Variants in CCDC60 observed in about 807,000 individuals in gnomAD.
CCDC60 encodes coiled-coil domain-containing protein 60.
Under a neutral mutation model 63.5 loss-of-function variants are expected in CCDC60, and 54 were observed. That is an observed-to-expected ratio of 0.85 (90% CI 0.68 to 1.07). The LOEUF (loss-of-function observed/expected upper bound fraction) is 1.07. Among genes scored for constraint, CCDC60 ranks in the 50% least tolerant of loss-of-function variants. CCDC60 has a pLI of 0.00. For missense variants in CCDC60, 651 were observed against 684.3 expected (o/e 0.95, Z 0.54); for synonymous variants, 206 against 238.8 (o/e 0.86, Z 1.27).
chr12:119,511,012 A>G (rs1447268096), intron 7 of CCDC60, among the ~76,000 whole-genome samples: 2 of 152,208 alleles, frequency 1.3e-5, no homozygotes, highest in Non-Finnish European at 2.9e-5. Context: ...GGGAAAAGGA[A>G]TGTGAGCTCC....
intron 8 of CCDC60, among the ~76,000 whole-genome samples, chr12:119,519,439 G>A (rs1270765296): frequency 2.3e-5 from 3 of 129,918 alleles, no homozygotes; most frequent in East Asian, 2.3e-4. Flanking sequence ...GTGTGTGCGC[G>A]TGTGTGTGTG....
intron 2 of CCDC60, among the ~76,000 whole-genome samples, chr12:119,436,552 T>TTC (rs1467389883): frequency 6.6e-6 from 1 of 151,554 alleles, no homozygotes; most frequent in Non-Finnish European, 1.5e-5. Flanking sequence ...TTTTTTTTTT[T>TTC]TTTGAGACAG....
rs114677596 is a variant in CCDC60 at position 119,513,899 on chromosome 12, C to A, written c.884-2724C>A. 5.0e-3 allele frequency among the ~76,000 whole-genome samples: 760 copies of A among 152,066 alleles called. 5 individuals are homozygous for A. Among genetic ancestry groups the A allele is most frequent in the African/African-American group, 0.017 (712 of 41,542 alleles). On this transcript the variant is annotated intron_variant, in intron 7 of 13. Transcript: ENST00000327554. The stretch of plus-strand genomic sequence containing the variant: ...ACTATGGTACTGGTTTATATAAGTA[C>A]TACACTTTATTTTCTATTGTAATTT...
At chr12:119,504,284 A>C (rs1406846416) in intron 6 of CCDC60, among the ~76,000 whole-genome samples, 1 of 152,142 alleles carries the variant, frequency 6.6e-6, no homozygotes, top group Non-Finnish European at 1.5e-5. Context: ...ACATAACCCC[A>C]AACAGTGCAT....
At chr12:119,371,247 T>C (rs1018701872) in intron 1 of CCDC60, among the ~76,000 whole-genome samples, 4 of 152,048 alleles carry the variant, frequency 2.6e-5, no homozygotes, top group Non-Finnish European at 5.9e-5. Context: ...GCAAAATAGA[T>C]ACTTGAGATA....
chr12:119,421,969 C>T (rs1021474360), intron 1 of CCDC60, among the ~76,000 whole-genome samples: 2 of 152,192 alleles, frequency 1.3e-5, no homozygotes, highest in Admixed American at 1.3e-4. Context: ...CATGCGTGCT[C>T]CATCCCTCCC....
chr12:119,514,219 C>T (rs975700398), intron 7 of CCDC60, among the ~76,000 whole-genome samples: 1 of 151,902 alleles, frequency 6.6e-6, no homozygotes, highest in African/African-American at 2.4e-5. Context: ...TCATGTTGCC[C>T]AGGCTGGAGT....
intron 6 of CCDC60, among the ~76,000 whole-genome samples, chr12:119,503,034 A>C (rs1265091189): frequency 6.6e-6 from 1 of 152,034 alleles, no homozygotes; most frequent in Non-Finnish European, 1.5e-5. Flanking sequence ...CAAATTGGCC[A>C]GGCATGGTGG....
chr12:119,490,135 T>C (rs1310781915), intron 5 of CCDC60, among the ~76,000 whole-genome samples: 1 of 152,110 alleles, frequency 6.6e-6, no homozygotes, highest in Admixed American at 6.5e-5. Context: ...CTTGAAGACA[T>C]TTATTACCCA....
chr12:119,521,766 A>G (rs1233727944), intron 9 of CCDC60, among the ~76,000 whole-genome samples: 2 of 152,200 alleles, frequency 1.3e-5, no homozygotes, highest in African/African-American at 4.8e-5. Flanking sequence ...ATCACTGTCA[A>G]AGCTCTTGAA....
intron 8 of CCDC60, among the ~76,000 whole-genome samples, chr12:119,519,328 T>C (rs1344408022): frequency 6.6e-6 from 1 of 151,834 alleles, no homozygotes; most frequent in Non-Finnish European, 1.5e-5. Flanking sequence ...AGGATACTTG[T>C]GAAAAATACA....
intron 13 of CCDC60, 106 bp downstream of exon 13, chr12:119,531,169 T>A: frequency 1.1e-6 from 1 of 942,410 alleles, no homozygotes; most frequent in Non-Finnish European, 1.6e-6. Flanking sequence ...GTCCCCTGCC[T>A]TTATGGAGCT....
intron 2 of CCDC60, among the ~76,000 whole-genome samples, chr12:119,438,263 T>C (rs1357273921): frequency 6.6e-6 from 1 of 152,232 alleles, no homozygotes; most frequent in Non-Finnish European, 1.5e-5. Flanking sequence ...AAAGTCTGCC[T>C]TGGAGACCCC....
intron 13 of CCDC60, among the ~76,000 whole-genome samples, chr12:119,540,082 G>C (rs1953114188): frequency 6.6e-6 from 1 of 152,150 alleles, no homozygotes; most frequent in African/African-American, 2.4e-5. Context: ...CCCACCTTCT[G>C]TGTTGATCTC....
chr12:119,522,774 C>T (rs1275674522), intron 9 of CCDC60, among the ~76,000 whole-genome samples, 165 bp from the exon 10 acceptor site: 1 of 152,044 alleles, frequency 6.6e-6, no homozygotes, highest in Non-Finnish European at 1.5e-5. Context: ...TGAGGAAAGG[C>T]CAAGAGGTGG....
chr12:119,385,115 T>TACTA (rs1956047361), intron 1 of CCDC60, among the ~76,000 whole-genome samples: 1 of 152,222 alleles, frequency 6.6e-6, no homozygotes, highest in African/African-American at 2.4e-5. Context: ...ATGGTCTGTG[T>TACTA]CCCATAGGTA....
intron 1 of CCDC60, among the ~76,000 whole-genome samples, chr12:119,401,844 T>C (rs1437674480): frequency 6.6e-6 from 1 of 152,230 alleles, no homozygotes; most frequent in African/African-American, 2.4e-5. Context: ...ATAATAACCC[T>C]ATTTTACCAG....
At chr12:119,338,988 C>T (rs1955503855) in intron 1 of CCDC60, among the ~76,000 whole-genome samples, 1 of 152,150 alleles carries the variant, frequency 6.6e-6, no homozygotes, top group South Asian at 2.1e-4. Context: ...TGTACAGGCT[C>T]TTCATGGTTT....
chr12:119,426,210 T>G (rs751874814), intron 1 of CCDC60, among the ~76,000 whole-genome samples: 1 of 152,216 alleles, frequency 6.6e-6, no homozygotes, highest in Non-Finnish European at 1.5e-5. Context: ...AATTCATTAC[T>G]AAGAATAGCC....
Sources: allele counts gnomAD v4.1 joint callset (sites outside exome capture counted in the v4.1 genomes callset), GRCh38; gene constraint gnomAD v4.1.1; transcripts MANE v1.5; gene names NCBI Gene and HGNC (gene_info 2026-07-23, HGNC 2026-07-21).